Variants in GNAI3 observed in about 807,000 individuals in gnomAD.
The protein encoded by GNAI3 is guanine nucleotide-binding protein G(i) subunit alpha-3.
A neutral mutation model predicts 41.8 loss-of-function variants in GNAI3; 12 were observed. That is an observed-to-expected ratio of 0.29 (90% CI 0.18 to 0.47). The LOEUF (loss-of-function observed/expected upper bound fraction) is 0.47. GNAI3 is among the 20% of genes least tolerant of loss of function. The pLI, the probability that GNAI3 is intolerant of heterozygous loss-of-function variation, is 1.00. For synonymous variants in GNAI3, 132 were observed against 146.5 expected (o/e 0.90, Z 0.71); for missense variants, 360 against 429.6 (o/e 0.84, Z 1.43).
intron 1 of GNAI3, among the ~76,000 whole-genome samples, chr1:109,556,916 T>G (rs1648168773): frequency 6.6e-6 from 1 of 152,236 alleles, no homozygotes; most frequent in Admixed American, 6.5e-5. Context: ...AATCTCAGAC[T>G]ACTGTCTGTT....
At position 109,592,533 on chromosome 1, in the gene GNAI3, A is replaced by G. The variant is rs562875389; in HGVS notation, c.*211A>G. 23 of 224,092 alleles carry G rather than the reference A, an allele frequency of 1.0e-4. No homozygotes were observed. The South Asian group carries it at 3.4e-3, about 33-fold the overall frequency. The allele number at this position is 224,092 out of a possible 1,614,324, so 13.9% of individuals were successfully genotyped here. A position where few individuals can be genotyped will look rare whatever the true frequency, so the allele number is the denominator to read the frequency against. On this transcript the variant is annotated 3_prime_UTR_variant, in exon 9 of 9. Coordinates refer to ENST00000369851, the MANE Select transcript of GNAI3 (RefSeq NM_006496.4). Reference sequence around the variant, plus strand: ...CAGACATTGGAATTGGAAGAACTATAAAGTGTGATTCGATCGTCAAGACAT... The same window carrying G: ...CAGACATTGGAATTGGAAGAACTATGAAGTGTGATTCGATCGTCAAGACAT...
intron 1 of GNAI3, among the ~76,000 whole-genome samples, chr1:109,550,447 C>G (rs151071533): frequency 2.1e-4 from 32 of 152,302 alleles, no homozygotes; most frequent in African/African-American, 7.7e-4. Flanking sequence ...TAAATATTTA[C>G]TGTTAACCAG....
intron 4 of GNAI3, among the ~76,000 whole-genome samples, chr1:109,579,597 A>G (rs991105572): frequency 2.0e-5 from 3 of 152,234 alleles, no homozygotes; most frequent in Non-Finnish European, 4.4e-5. Flanking sequence ...AATTAGTTCC[A>G]TGGCATTTTA....
At chr1:109,574,416 G>A (rs1648685020) in intron 3 of GNAI3, among the ~76,000 whole-genome samples, 1 of 151,880 alleles carries the variant, frequency 6.6e-6, no homozygotes, top group Non-Finnish European at 1.5e-5. Context: ...CAGATTAAAG[G>A]CCAAAATCAG....
At chr1:109,560,541 T>G (rs1332238401) in intron 1 of GNAI3, among the ~76,000 whole-genome samples, 1 of 152,142 alleles carries the variant, frequency 6.6e-6, no homozygotes, top group Non-Finnish European at 1.5e-5. Context: ...AGGACTAGCC[T>G]GGGCAAGATG....
chr1:109,569,984 T>C (rs1648551161), intron 1 of GNAI3, among the ~76,000 whole-genome samples: 1 of 152,204 alleles, frequency 6.6e-6, no homozygotes. Context: ...TCTCAACTTT[T>C]CTTAATTTAG....
At chr1:109,571,001 T>C (rs933954386) in intron 1 of GNAI3, among the ~76,000 whole-genome samples, 15 of 152,252 alleles carry the variant, frequency 9.9e-5, no homozygotes, top group African/African-American at 3.6e-4. Context: ...AAAACTATTA[T>C]ATTAACTATT....
Position 109,592,909 on chromosome 1 carries a change from C to T in GNAI3, c.*587C>T, listed in dbSNP as rs538350464. 2.0e-5 allele frequency: 3 copies of T among 152,680 alleles called. No individual in the cohort carries two copies. The South Asian group carries it at 6.2e-4, about 32-fold the overall frequency. The allele number at this position is 152,680 out of a possible 1,614,324, so 9.5% of individuals were successfully genotyped here. A position where few individuals can be genotyped will look rare whatever the true frequency, so the allele number is the denominator to read the frequency against. ...TTTCCGGTTACTGGGGCTATAAATACAACTTTTTAAATGAAATTTATGTTA... is the reference window on the plus strand; with the variant it reads ...TTTCCGGTTACTGGGGCTATAAATATAACTTTTTAAATGAAATTTATGTTA... On this transcript the variant is annotated 3_prime_UTR_variant, in exon 9 of 9. Transcript: ENST00000369851.
intron 1 of GNAI3, among the ~76,000 whole-genome samples, chr1:109,572,492 A>G (rs1648632316): frequency 6.6e-6 from 1 of 152,156 alleles, no homozygotes; most frequent in African/African-American, 2.4e-5. Context: ...GTTTGTCAAG[A>G]TGGAAGTTTT....
chr1:109,550,477 A>G (rs190079419), intron 1 of GNAI3, among the ~76,000 whole-genome samples: 260 of 152,266 alleles, frequency 1.7e-3, no homozygotes, highest in African/African-American at 5.9e-3. Flanking sequence ...GCAAATGTTG[A>G]ACACTGGTCC....
At chr1:109,566,744 G>A (rs1021418718) in intron 1 of GNAI3, among the ~76,000 whole-genome samples, 1 of 152,096 alleles carries the variant, frequency 6.6e-6, no homozygotes, top group African/African-American at 2.4e-5. Flanking sequence ...TGTATTTTTA[G>A]TAGAGATGAG....
chr1:109,548,661 G>T lies in GNAI3; in HGVS notation c.-60G>T. ...GCAATAGACGGTGCCTCAGCCTGCCGAGCCGCAGTTTCCGTGGTGTGAGTG... is the reference window on the plus strand; with the variant it reads ...GCAATAGACGGTGCCTCAGCCTGCCTAGCCGCAGTTTCCGTGGTGTGAGTG... On this transcript the variant is annotated 5_prime_UTR_variant, in exon 1 of 9. Coordinates refer to ENST00000369851, the MANE Select transcript of GNAI3 (RefSeq NM_006496.4). The T allele has an allele frequency of 4.0e-6, 5 of 1,236,110 alleles. No homozygotes were observed. Among genetic ancestry groups the T allele is most frequent in the Non-Finnish European group, 5.9e-6 (5 of 843,050 alleles). 76.6% of individuals were successfully genotyped at this position (1,236,110 alleles called of 1,614,324 possible). A position where few individuals can be genotyped will look rare whatever the true frequency, so the allele number is the denominator to read the frequency against.
At chr1:109,576,139 G>T (rs1648737200) in intron 3 of GNAI3, among the ~76,000 whole-genome samples, 2 of 152,046 alleles carry the variant, frequency 1.3e-5, no homozygotes, top group South Asian at 4.1e-4. Flanking sequence ...TACGATTTTG[G>T]CTCACTGCAA....
chr1:109,554,704 T>C (rs1382914058), intron 1 of GNAI3, among the ~76,000 whole-genome samples: 1 of 152,202 alleles, frequency 6.6e-6, no homozygotes, highest in East Asian at 1.9e-4. Flanking sequence ...AGCTTTTTAG[T>C]TTAGTTGAGT....
rs1306940130 is a variant in GNAI3, at chr1:109,599,808, G to C, written c.*7486G>C. 2 of 152,194 alleles carry C rather than the reference G, an allele frequency of 1.3e-5. No homozygotes were observed. Among genetic ancestry groups the C allele is most frequent in the African/African-American group, 4.8e-5 (2 of 41,434 alleles). The allele number at this position is 152,194 out of a possible 1,614,324, so 9.4% of individuals were successfully genotyped here. ...TTTAGAGACGGCATAATGAAAAAAT[G>C]ACCAAGAATTTGGTTGGGAATGGGA... On this transcript the variant is annotated 3_prime_UTR_variant, in exon 9 of 9. Transcript: ENST00000369851.
At position 109,599,019 on chromosome 1, in the gene GNAI3, C is replaced by T. The variant is rs1033566619; in HGVS notation, c.*6697C>T. 1.9e-6 allele frequency: 1 copy of T among 527,156 alleles called. No homozygotes were observed. Among genetic ancestry groups the T allele is most frequent in the Non-Finnish European group, 3.9e-6 (1 of 253,980 alleles). The allele number at this position is 527,156 out of a possible 1,614,324, so 32.7% of individuals were successfully genotyped here. ...CCAAGTATAGAGTGGGTTTTGAATG[C>T]TGTTATGTCTCACCGTGGGGATGGG... On this transcript the variant is annotated 3_prime_UTR_variant, in exon 9 of 9. Transcript: ENST00000369851.
At chr1:109,591,754 A>G (rs1245841474) in intron 7 of GNAI3, 4 of 367,268 alleles carry the variant, frequency 1.1e-5, no homozygotes, top group Non-Finnish European at 1.5e-5. Flanking sequence ...GTTTCCTTTT[A>G]TACTTTCTAG....
At position 109,548,694 on chromosome 1, in the gene GNAI3, G is replaced by A. The variant is rs542250049; in HGVS notation, c.-27G>A. ...GTTTCCGTGGTGTGAGTGAGTCCGG[G>A]CCCGTGTCCCCTCTCCCGCCGCCGC... On this transcript the variant is annotated 5_prime_UTR_variant, in exon 1 of 9. Transcript: ENST00000369851. The A allele has an allele frequency of 6.3e-4, 956 of 1,514,396 alleles. 15 individuals are homozygous for A. The South Asian group carries it at 0.01, about 16-fold the overall frequency. The allele number at this position is 1,514,396 out of a possible 1,614,324, so 93.8% of individuals were successfully genotyped here.
chr1:109,557,976 C>T (rs1176752840), intron 1 of GNAI3, among the ~76,000 whole-genome samples: 16 of 152,124 alleles, frequency 1.1e-4, no homozygotes, highest in Admixed American at 1.0e-3. Context: ...CTAGTAGGCA[C>T]TCACTAAATA....
Sources: allele counts gnomAD v4.1 joint callset (sites outside exome capture counted in the v4.1 genomes callset), GRCh38; gene constraint gnomAD v4.1.1; transcripts MANE v1.5; gene names NCBI Gene and HGNC (gene_info 2026-07-23, HGNC 2026-07-21).